LYRM4: variants seen among roughly 807,000 people sequenced by gnomAD.
LYRM4 encodes LYR motif-containing protein 4.
A neutral mutation model predicts 11.7 loss-of-function variants in LYRM4; 9 were observed. The observed-to-expected ratio is 0.77, with a 90% CI of 0.46 to 1.34. LYRM4 has a LOEUF of 1.34. Among genes scored for constraint, LYRM4 ranks in the 40% most tolerant of loss-of-function variants. The probability of loss-of-function intolerance (pLI) is 0.00; values close to 1 mark genes in which losing one functional copy is unlikely to be tolerated. For synonymous variants in LYRM4, 42 were observed against 40.4 expected, an observed-to-expected ratio of 1.04 and a Z score of -0.15; for missense variants, 133 against 112.5, an observed-to-expected ratio of 1.18 and a Z score of -0.82.
At chr6:5,231,530 T>C (rs1389826623) in intron 1 of LYRM4, among the ~76,000 whole-genome samples, 1 of 152,250 alleles carries the variant, frequency 6.6e-6, no homozygotes, top group African/African-American at 2.4e-5. Context: ...TAGATTTTTA[T>C]GCAGATGAGT....
rs151006490 is a variant in LYRM4 at position 5,246,619 on chromosome 6, T to C, written c.86+14029A>G. On this transcript the variant is annotated intron_variant, in intron 1 of 2. Transcript: ENST00000330636. ...CAGCCACCCAGGTTAGAAGTCAGCA[T>C]GGGATGGGTGAAGGTAGTGAGGGTG... 4.5e-4 allele frequency among the ~76,000 whole-genome samples: 68 copies of C among 152,116 alleles called. 3 individuals carry two copies. The East Asian group carries it at 0.012, about 28-fold the overall frequency.
intron 1 of LYRM4, among the ~76,000 whole-genome samples, chr6:5,228,206 A>C (rs1318397805): frequency 2.0e-5 from 3 of 151,790 alleles, no homozygotes; most frequent in East Asian, 1.9e-4. Flanking sequence ...TGGCAGAAAA[A>C]CCCCCTAAAT....
intron 1 of LYRM4, among the ~76,000 whole-genome samples, chr6:5,245,637 C>G (rs2127763083): frequency 6.6e-6 from 1 of 152,304 alleles, no homozygotes; most frequent in East Asian, 1.9e-4. Flanking sequence ...CAGTACTGAG[C>G]AAAAGCAAAT....
chr6:5,101,964 C>CTTTTTTTTTTTTTT (rs1431348110), downstream of LYRM4, among the ~76,000 whole-genome samples: 1 of 36,198 alleles, frequency 2.8e-5, no homozygotes, highest in Admixed American at 2.8e-4. Flanking sequence ...CCAACTAATG[C>CTTTTTTTTTTTTTT]TTTCTTTTTT....
At chr6:5,051,433 T>C in the LYRM4 span, among the ~76,000 whole-genome samples, 1 of 152,022 alleles carries the variant, frequency 6.6e-6, no homozygotes, top group Non-Finnish European at 1.5e-5. Context: ...AAGAAATGAC[T>C]CATCCCATAC....
chr6:5,222,159 C>A (rs1310333987), intron 1 of LYRM4, among the ~76,000 whole-genome samples: 1 of 152,164 alleles, frequency 6.6e-6, no homozygotes, highest in Non-Finnish European at 1.5e-5. Flanking sequence ...GAACTTTAAT[C>A]TTTCTGGCTC....
chr6:5,066,126 C>A, the LYRM4 span: 1 of 533,690 alleles, frequency 1.9e-6, no homozygotes, highest in Non-Finnish European at 3.6e-6. Flanking sequence ...CCAATAATTC[C>A]CTACACTTTG....
chr6:5,176,959 A>G (rs36003115), intron 2 of LYRM4, among the ~76,000 whole-genome samples: 1,548 of 152,356 alleles, frequency 0.01, 31 homozygotes, highest in African/African-American at 0.034. Flanking sequence ...AATACTCCAA[A>G]TAACTTATTT....
intron 2 of LYRM4, among the ~76,000 whole-genome samples, chr6:5,160,287 C>T (rs1042107374): frequency 2.6e-5 from 4 of 152,132 alleles, no homozygotes; most frequent in Non-Finnish European, 4.4e-5. Context: ...GGACCCTCCA[C>T]ATGCTCAGCT....
In LYRM4 at chr6:5,154,646, C is replaced by G. The variant is rs143517961; in HGVS notation, c.208-45155G>C. Among the ~76,000 whole-genome samples, 613 of 152,288 alleles carry G rather than the reference C, an allele frequency of 4.0e-3. 4 individuals are homozygous for G. Among genetic ancestry groups the G allele is most frequent in the South Asian group, 0.013 (62 of 4,826 alleles). On this transcript the variant is annotated intron_variant, in intron 2 of 2. Transcript: ENST00000330636. ...CCTGACGAACACTGTGAAACCCTGT[C>G]TGTACTAAAAACACACAAAAGAATT...
At chr6:5,167,872 T>C (rs1431738760) in intron 2 of LYRM4, among the ~76,000 whole-genome samples, 1 of 152,054 alleles carries the variant, frequency 6.6e-6, no homozygotes, top group Non-Finnish European at 1.5e-5. Flanking sequence ...GATATAACTA[T>C]GGATAGAAAA....
chr6:5,217,851 T>C (rs1458145333), intron 1 of LYRM4, among the ~76,000 whole-genome samples: 2 of 152,114 alleles, frequency 1.3e-5, no homozygotes, highest in African/African-American at 2.4e-5. Context: ...CTACTCCAGA[T>C]TGAAAGGCAT....
the LYRM4 span, among the ~76,000 whole-genome samples, chr6:5,057,466 C>T: frequency 6.6e-6 from 1 of 152,146 alleles, no homozygotes. Flanking sequence ...CCTGTAATCC[C>T]AGCACTTTAG....
At chr6:5,039,264 A>G in the LYRM4 span, among the ~76,000 whole-genome samples, 78 of 152,352 alleles carry the variant, frequency 5.1e-4, no homozygotes, top group Non-Finnish European at 8.5e-4. Context: ...AAAGCAAGGT[A>G]ATATGTAACA....
chr6:5,197,854 G>C (rs1443754011), intron 2 of LYRM4, among the ~76,000 whole-genome samples: 3 of 151,742 alleles, frequency 2.0e-5, no homozygotes, highest in African/African-American at 7.3e-5. Flanking sequence ...TGGAGGAACT[G>C]GGAAGGTAAA....
the LYRM4 span, among the ~76,000 whole-genome samples, chr6:5,074,936 G>A: frequency 6.6e-6 from 1 of 152,160 alleles, no homozygotes; most frequent in South Asian, 2.1e-4. Context: ...TTATGGGGGT[G>A]GATTTCTCAT....
At chr6:5,090,526 G>A in the LYRM4 span, among the ~76,000 whole-genome samples, 1 of 152,202 alleles carries the variant, frequency 6.6e-6, no homozygotes, top group Non-Finnish European at 1.5e-5. The surrounding 1 kb of genome is among the most constrained non-coding windows in gnomAD (Gnocchi z 4.8). Flanking sequence ...CCACGGCTCA[G>A]GCAGCCTTTC....
intron 2 of LYRM4, among the ~76,000 whole-genome samples, chr6:5,183,670 C>G (rs894303365): frequency 1.3e-5 from 2 of 152,162 alleles, no homozygotes; most frequent in Non-Finnish European, 1.5e-5. Context: ...CCGACAAAAT[C>G]AAGTGTATGG....
the LYRM4 span, among the ~76,000 whole-genome samples, chr6:5,047,727 G>A: frequency 6.6e-6 from 1 of 152,064 alleles, no homozygotes; most frequent in African/African-American, 2.4e-5. Context: ...CCAACAATTT[G>A]ACAAAAAATA....
Sources: allele counts gnomAD v4.1 joint callset (sites outside exome capture counted in the v4.1 genomes callset), GRCh38; gene constraint gnomAD v4.1.1; non-coding constraint Gnocchi (gnomAD v3.1); transcripts MANE v1.5; gene names NCBI Gene and HGNC (gene_info 2026-07-23, HGNC 2026-07-21).